OSBPL3: variants seen among roughly 807,000 people sequenced by gnomAD.
OSBPL3 encodes oxysterol-binding protein-related protein 3.
A neutral mutation model predicts 120.1 loss-of-function variants in OSBPL3; 65 were observed. The observed-to-expected ratio is 0.54, with a 90% CI of 0.44 to 0.67. The LOEUF is 0.67. Among genes scored for constraint, OSBPL3 ranks in the 30% least tolerant of loss-of-function variants. The pLI is 0.00. For synonymous variants in OSBPL3, 416 were observed against 402.6 expected, an observed-to-expected ratio of 1.03 and a Z score of -0.40; for missense variants, 1,004 against 1,082.1, an observed-to-expected ratio of 0.93 and a Z score of 1.01.
Position 24,871,628 on chromosome 7 carries a change from A to T in OSBPL3, c.267+114T>A. The T allele has an allele frequency of 1.3e-6, 1 of 794,006 alleles. No individual in the cohort carries two copies. Among genetic ancestry groups the T allele is most frequent in the Non-Finnish European group, 2.1e-6 (1 of 476,778 alleles). The allele number at this position is 794,006 out of a possible 1,614,324, so 49.2% of individuals were successfully genotyped here. A position where few individuals can be genotyped will look rare whatever the true frequency, so the allele number is the denominator to read the frequency against. On this transcript the variant is annotated intron_variant, in intron 4 of 22. Transcript: ENST00000313367. This position sits in a 1 kb window ranked among gnomAD's most constrained non-coding sequence, Gnocchi z 4.8. ...GCTCAGACAGAAGTGTTTCCCCTCT[A>T]TGGTTTCCAGTTCCGAGAAAAGCTA...
intron 1 of OSBPL3, among the ~76,000 whole-genome samples, chr7:24,902,606 A>C (rs953679942): frequency 6.6e-6 from 1 of 150,442 alleles, no homozygotes; most frequent in African/African-American, 2.4e-5. Context: ...GTTTTACTAG[A>C]TATTCCAAAT....
rs28418365 is a variant in OSBPL3, at chr7:24,868,371, C to G, written c.382-2134G>C. On this transcript the variant is annotated intron_variant, in intron 5 of 22. Transcript: ENST00000313367. ...TGTGTGTGTGTGTGTGTGTGTGTGT[C>G]TGTGTGTGATGGTGTATTGATATTT... is the stretch of plus-strand genomic sequence containing the variant. Among the ~76,000 whole-genome samples the G allele has an allele frequency of 1.4e-4, 15 of 110,304 alleles. No individual in the cohort carries two copies. The South Asian group carries it at 2.4e-3, about 18-fold the overall frequency. The allele number at this position is 110,304 out of a possible 152,430, so 72.4% of individuals were successfully genotyped here. A position where few individuals can be genotyped will look rare whatever the true frequency, so the allele number is the denominator to read the frequency against.
At chr7:24,892,660 G>T in intron 1 of OSBPL3, 39 bp from the exon 2 acceptor site, 2 of 1,300,860 alleles carry the variant, frequency 1.5e-6, no homozygotes, top group Non-Finnish European at 2.0e-6. Flanking sequence ...AGAGGCATCA[G>T]ATATCATCTC....
intron 10 of OSBPL3, among the ~76,000 whole-genome samples, chr7:24,853,457 T>A (rs900608270): frequency 1.3e-5 from 2 of 152,166 alleles, no homozygotes. Flanking sequence ...AAGTGTCAAT[T>A]TGACGAAAGA....
rs146769801 is a variant in OSBPL3 at position 24,871,401 on chromosome 7, C to T, written c.267+341G>A. ...ACTTCTTCACCCAGGGGCTTCTCCC[C>T]GGAATCTCTCGGTCACAGTGCAAGA... On this transcript the variant is annotated intron_variant, in intron 4 of 22. Coordinates refer to ENST00000313367, the MANE Select transcript of OSBPL3 (RefSeq NM_015550.4). This position sits in a 1 kb window ranked among gnomAD's most constrained non-coding sequence, Gnocchi z 4.8. Among the ~76,000 whole-genome samples the T allele has an allele frequency of 6.6e-6, 1 of 152,154 alleles. No individual in the cohort carries two copies. Among genetic ancestry groups the T allele is most frequent in the Admixed American group, 6.5e-5 (1 of 15,276 alleles).
intron 11 of OSBPL3, among the ~76,000 whole-genome samples, chr7:24,850,549 G>C (rs1799019369): frequency 6.6e-6 from 1 of 152,120 alleles, no homozygotes; most frequent in African/African-American, 2.4e-5. Flanking sequence ...TCTCCAACAG[G>C]GATGCTGGCT....
intron 1 of OSBPL3, among the ~76,000 whole-genome samples, chr7:24,944,875 A>C (rs925650694): frequency 1.1e-4 from 16 of 152,186 alleles, no homozygotes; most frequent in Non-Finnish European, 2.1e-4. Context: ...ATTCTCAAAA[A>C]ATATTTTAGA....
chr7:24,882,511 G>C (rs1316224523), intron 2 of OSBPL3, among the ~76,000 whole-genome samples: 1 of 152,156 alleles, frequency 6.6e-6, no homozygotes, highest in African/African-American at 2.4e-5. Flanking sequence ...GGTGGAAACA[G>C]GTTAATTTTA....
At chr7:24,836,146 G>C (rs1019661217) in intron 14 of OSBPL3, among the ~76,000 whole-genome samples, 1 of 152,040 alleles carries the variant, frequency 6.6e-6, no homozygotes, top group Non-Finnish European at 1.5e-5. Context: ...TGAAGAAGCG[G>C]GATTACTATG....
chr7:24,803,717 G>C lies in OSBPL3; in HGVS notation c.2567+598C>G, dbSNP rs1792666140. Among the ~76,000 whole-genome samples, 1 of 152,034 alleles carries C rather than the reference G, an allele frequency of 6.6e-6. No individual in the cohort carries two copies. The highest frequency in any genetic ancestry group is 1.5e-5 in the Non-Finnish European group (1 of 68,020). On this transcript the variant is annotated intron_variant, in intron 22 of 22. Transcript: ENST00000313367. This position sits in a 1 kb window ranked among gnomAD's most constrained non-coding sequence, Gnocchi z 4.2. ...ACCCAGGAGGTGGAGGCTGCAGTGA[G>C]TCAAGATGGTGCCACTGCACTCCAG... is the stretch of plus-strand genomic sequence containing the variant.
chr7:24,830,742 A>C lies in OSBPL3; in HGVS notation c.1884+26T>G, dbSNP rs1796264343. On this transcript the variant is annotated intron_variant, in intron 16 of 22. Transcript: ENST00000313367. The surrounding 1 kb of genome is among the most constrained non-coding windows in gnomAD (Gnocchi z 4.4). ...TGGGAGACATAAGCAACCCCTCCCA[A>C]CAAGCAAAAAATGGTGTACATCTAC... 1 of 1,586,890 alleles carries C rather than the reference A, an allele frequency of 6.3e-7. No individual in the cohort carries two copies. The highest frequency in any genetic ancestry group is 2.3e-5 in the East Asian group (1 of 44,280).
chr7:24,892,336 C>T (rs1805475905), intron 2 of OSBPL3, 41 bp downstream of exon 2: 1 of 1,597,776 alleles, frequency 6.3e-7, no homozygotes, highest in South Asian at 1.1e-5. Context: ...AACTTGATGG[C>T]TTACATTTGC....
intron 1 of OSBPL3, among the ~76,000 whole-genome samples, chr7:24,901,526 T>G (rs1194767105): frequency 6.6e-6 from 1 of 152,204 alleles, no homozygotes; most frequent in African/African-American, 2.4e-5. Flanking sequence ...TGCACCAGGC[T>G]CTTGCCAAAC....
intron 1 of OSBPL3, among the ~76,000 whole-genome samples, chr7:24,971,326 A>G (rs1049201260): frequency 3.9e-5 from 6 of 152,240 alleles, no homozygotes; most frequent in Non-Finnish European, 8.8e-5. Context: ...AACAGAAAAC[A>G]ATTTGGTAAA....
chr7:24,855,386 A>T lies in OSBPL3; in HGVS notation c.1028-2752T>A, dbSNP rs1329674546. ...CACCAAATGAGAAGAGTCCTACATA[A>T]ATTTTAAAAACTGGCAGAATATACA... On this transcript the variant is annotated intron_variant, in intron 10 of 22. Transcript: ENST00000313367. This position sits in a 1 kb window ranked among gnomAD's most constrained non-coding sequence, Gnocchi z 4.3. Among the ~76,000 whole-genome samples the T allele has an allele frequency of 1.3e-5, 2 of 152,246 alleles. No individual in the cohort carries two copies. The highest frequency in any genetic ancestry group is 4.8e-5 in the African/African-American group (2 of 41,470).
chr7:24,901,170 T>C (rs1217075283), intron 1 of OSBPL3, among the ~76,000 whole-genome samples: 1 of 151,652 alleles, frequency 6.6e-6, no homozygotes, highest in East Asian at 1.9e-4. Flanking sequence ...CTACTAAAAA[T>C]ACAAACATTA....
intron 10 of OSBPL3, among the ~76,000 whole-genome samples, chr7:24,857,241 T>C (rs1272684426): frequency 1.3e-5 from 2 of 152,216 alleles, no homozygotes; most frequent in African/African-American, 2.4e-5. Flanking sequence ...CATTTGTGAA[T>C]GAGGATTTCC....
rs576110074 is a variant in OSBPL3, at chr7:24,821,481, T to C, written c.1885-1243A>G. Among the ~76,000 whole-genome samples the C allele has an allele frequency of 5.9e-5, 9 of 152,278 alleles. No homozygotes were observed. The highest frequency in any genetic ancestry group is 2.1e-4 in the South Asian group (1 of 4,832). ...ACAAATCCACAGCTGTTCACCTTCC[T>C]TGGGACCCTCAGCTGAGGAACATGG... On this transcript the variant is annotated intron_variant, in intron 16 of 22. Coordinates refer to ENST00000313367, the MANE Select transcript of OSBPL3 (RefSeq NM_015550.4). This position sits in a 1 kb window ranked among gnomAD's most constrained non-coding sequence, Gnocchi z 5.5.
At chr7:24,875,224 G>A (rs1330154606) in intron 2 of OSBPL3, among the ~76,000 whole-genome samples, 3 of 152,210 alleles carry the variant, frequency 2.0e-5, no homozygotes, top group African/African-American at 7.2e-5. Context: ...TGGGATGTAA[G>A]TGCAGAGTAA....
Sources: allele counts gnomAD v4.1 joint callset (sites outside exome capture counted in the v4.1 genomes callset), GRCh38; gene constraint gnomAD v4.1.1; non-coding constraint Gnocchi (gnomAD v3.1); transcripts MANE v1.5; gene names NCBI Gene and HGNC (gene_info 2026-07-23, HGNC 2026-07-21).